The following TTC27 variants were observed in gnomAD, a reference collection of about 807,000 sequenced individuals.
TTC27 encodes tetratricopeptide repeat domain 27.
In TTC27, 79 loss-of-function variants were observed where a neutral mutation model predicts 115.9. The observed-to-expected ratio is 0.68, with a 90% CI of 0.57 to 0.82. The LOEUF is 0.82. Among genes scored for constraint, TTC27 ranks in the 40% least tolerant of loss-of-function variants. The pLI is 0.00. For synonymous variants in TTC27, 401 were observed against 356.0 expected (o/e 1.13, Z -1.42); for missense variants, 1,054 against 993.1 (o/e 1.06, Z -0.82).
intron 4 of TTC27, among the ~76,000 whole-genome samples, chr2:32,642,247 ATTTTT>A (rs10634857): frequency 1.1e-4 from 11 of 102,154 alleles, no homozygotes; most frequent in Non-Finnish European, 1.7e-4. Context: ...TATACACTAA[ATTTTT>A]TTTTTTTTTT....
intron 9 of TTC27, among the ~76,000 whole-genome samples, chr2:32,692,882 A>C (rs1431945300): frequency 1.3e-5 from 2 of 152,062 alleles, no homozygotes; most frequent in African/African-American, 4.8e-5. Flanking sequence ...AGGCTGAGGC[A>C]GGAGAATCGT....
intron 12 of TTC27, among the ~76,000 whole-genome samples, chr2:32,750,599 A>G (rs1456835060): frequency 2.0e-5 from 3 of 152,254 alleles, no homozygotes; most frequent in Admixed American, 2.0e-4. Context: ...GGAAAGTAGC[A>G]ACGTACTAGC....
intron 12 of TTC27, among the ~76,000 whole-genome samples, chr2:32,756,968 T>C (rs1389188994): frequency 6.6e-6 from 1 of 152,180 alleles, no homozygotes. Flanking sequence ...AGCTCCAAAC[T>C]GTGGACATAT....
chr2:32,811,572 G>A (rs1671318290), intron 17 of TTC27, among the ~76,000 whole-genome samples: 1 of 152,164 alleles, frequency 6.6e-6, no homozygotes, highest in Non-Finnish European at 1.5e-5. Flanking sequence ...CAGTAGATGG[G>A]TACAAGGAGA....
chr2:32,670,118 T>C (rs1665956529), intron 7 of TTC27, among the ~76,000 whole-genome samples: 2 of 151,580 alleles, frequency 1.3e-5, no homozygotes. Flanking sequence ...CGTCGGGTGA[T>C]CCGCCCGCCT....
In TTC27 at chr2:32,820,980, T is replaced by C; in HGVS notation, c.*42T>C. The stretch of plus-strand genomic sequence containing the variant: ...TTCTGGAAAAGGTGCTTTCACCTGC[T>C]GGTAAAAGATACATCTGTATATCTG... On this transcript the variant is annotated 3_prime_UTR_variant, in exon 20 of 20. Coordinates refer to ENST00000317907, the MANE Select transcript of TTC27 (RefSeq NM_017735.5). 7.0e-7 allele frequency: 1 copy of C among 1,435,098 alleles called. No individual in the cohort carries two copies. 88.9% of individuals were successfully genotyped at this position (1,435,098 alleles called of 1,614,324 possible). A position where few individuals can be genotyped will look rare whatever the true frequency, so the allele number is the denominator to read the frequency against.
chr2:32,746,742 T>C (rs1668846224), intron 12 of TTC27, among the ~76,000 whole-genome samples: 2 of 152,116 alleles, frequency 1.3e-5, no homozygotes, highest in Admixed American at 6.6e-5. Context: ...TGGGCACATC[T>C]TTTGTAGCTC....
chr2:32,671,667 C>T (rs907042107), intron 7 of TTC27, among the ~76,000 whole-genome samples: 4 of 152,176 alleles, frequency 2.6e-5, no homozygotes, highest in Admixed American at 1.3e-4. Flanking sequence ...TGGTTATTGT[C>T]GATCATTTGC....
intron 9 of TTC27, among the ~76,000 whole-genome samples, chr2:32,682,844 GTTGTTTTTTTTT>G (rs1351424042): frequency 5.3e-5 from 3 of 56,988 alleles, no homozygotes; most frequent in South Asian, 9.3e-4. Context: ...AATTTTTATT[GTTGTTTTTTTTT>G]TTTTTTTTTT....
intron 8 of TTC27, among the ~76,000 whole-genome samples, chr2:32,676,678 A>G (rs1019971172): frequency 1.3e-5 from 2 of 151,746 alleles, no homozygotes; most frequent in African/African-American, 4.8e-5. Flanking sequence ...TTTAGTAGAG[A>G]CGGGGTTTCA....
At chr2:32,812,463 T>C (rs1296130994) in intron 17 of TTC27, 41 bp from the exon 18 acceptor site, 2 of 1,431,848 alleles carry the variant, frequency 1.4e-6, no homozygotes, top group Non-Finnish European at 2.0e-6. Context: ...AAATGTGAAT[T>C]CTACTTGTTA....
intron 9 of TTC27, among the ~76,000 whole-genome samples, chr2:32,699,126 G>A (rs572534045): frequency 6.6e-6 from 1 of 152,210 alleles, no homozygotes; most frequent in African/African-American, 2.4e-5. Flanking sequence ...TCCCTTTCTT[G>A]CAGTGCACCC....
At chr2:32,746,661 T>C (rs1011879840) in intron 12 of TTC27, among the ~76,000 whole-genome samples, 5 of 152,022 alleles carry the variant, frequency 3.3e-5, no homozygotes, top group Admixed American at 6.6e-5. Context: ...TCTGTGAAGA[T>C]TTATGGCCAT....
At chr2:32,629,049 C>T (rs1368910288) in intron 1 of TTC27, among the ~76,000 whole-genome samples, 1 of 151,844 alleles carries the variant, frequency 6.6e-6, no homozygotes, top group Non-Finnish European at 1.5e-5. Flanking sequence ...CCTGAGCCAC[C>T]GCGCCCGGGT....
chr2:32,651,433 G>A (rs1308867056), intron 5 of TTC27, among the ~76,000 whole-genome samples: 1 of 152,098 alleles, frequency 6.6e-6, no homozygotes, highest in African/African-American at 2.4e-5. Flanking sequence ...TGCAACCTCC[G>A]CCTCCCGGGT....
At chr2:32,714,916 C>T (rs747918435) in intron 10 of TTC27, among the ~76,000 whole-genome samples, 31 of 152,104 alleles carry the variant, frequency 2.0e-4, no homozygotes, top group Admixed American at 7.2e-4. Flanking sequence ...ATGTCCTTTG[C>T]CCACTTTTTA....
chr2:32,754,722 C>T (rs1343338418), intron 12 of TTC27, among the ~76,000 whole-genome samples: 5 of 148,996 alleles, frequency 3.4e-5, no homozygotes, highest in Non-Finnish European at 6.0e-5. Context: ...TAGGGGCGGC[C>T]GGGCAGAGGC....
At chr2:32,732,432 C>G (rs1245898713) in intron 10 of TTC27, among the ~76,000 whole-genome samples, 2 of 152,134 alleles carry the variant, frequency 1.3e-5, no homozygotes, top group Non-Finnish European at 2.9e-5. Context: ...TATTCTTAGG[C>G]TAATAAATGT....
chr2:32,629,878 G>A (rs567734857), intron 1 of TTC27, among the ~76,000 whole-genome samples: 168 of 152,328 alleles, frequency 1.1e-3, no homozygotes, highest in African/African-American at 3.8e-3. Flanking sequence ...TAGTGTGTAA[G>A]TACTCTGTGT....
Sources: allele counts gnomAD v4.1 joint callset (sites outside exome capture counted in the v4.1 genomes callset), GRCh38; gene constraint gnomAD v4.1.1; transcripts MANE v1.5; gene names NCBI Gene and HGNC (gene_info 2026-07-23, HGNC 2026-07-21).